FSTL5: variants seen among roughly 807,000 people sequenced by gnomAD.
FSTL5 encodes the protein follistatin-related protein 5.
A neutral mutation model predicts 89.1 loss-of-function variants in FSTL5; 62 were observed. The observed-to-expected ratio is 0.70, with a 90% CI of 0.57 to 0.86. The LOEUF is 0.86. Among genes scored for constraint, FSTL5 ranks in the 40% least tolerant of loss-of-function variants. The pLI, the probability that FSTL5 is intolerant of heterozygous loss-of-function variation, is 0.00. For synonymous variants in FSTL5, 383 were observed against 346.2 expected, an observed-to-expected ratio of 1.11 and a Z score of -1.18; for missense variants, 1,057 against 1,001.6, an observed-to-expected ratio of 1.06 and a Z score of -0.75.
At chr4:161,908,661 C>T (rs1733605459) in intron 4 of FSTL5, among the ~76,000 whole-genome samples, 1 of 152,012 alleles carries the variant, frequency 6.6e-6, no homozygotes, top group South Asian at 2.1e-4. Flanking sequence ...TGGATTAAAG[C>T]ATACACAAAA....
At chr4:161,631,803 T>G (rs1035872618) in intron 7 of FSTL5, among the ~76,000 whole-genome samples, 4 of 152,322 alleles carry the variant, frequency 2.6e-5, no homozygotes, top group African/African-American at 7.2e-5. Flanking sequence ...AATTACATTT[T>G]TATTATTCAT....
chr4:161,868,307 A>C (rs1263721325), intron 4 of FSTL5, among the ~76,000 whole-genome samples: 1 of 152,110 alleles, frequency 6.6e-6, no homozygotes, highest in Non-Finnish European at 1.5e-5. Flanking sequence ...TCTATTTATC[A>C]GTATTGTACT....
At chr4:161,541,436 A>C (rs188353570) in intron 9 of FSTL5, among the ~76,000 whole-genome samples, 1 of 152,070 alleles carries the variant, frequency 6.6e-6, no homozygotes, top group Non-Finnish European at 1.5e-5. Context: ...TTATTCATTT[A>C]ATTTCTGTTA....
At position 161,951,917 on chromosome 4, in the gene FSTL5, C is replaced by T. The variant is rs182064845; in HGVS notation, c.161-31265G>A. On this transcript the variant is annotated intron_variant, in intron 3 of 15. Coordinates refer to ENST00000306100, the MANE Select transcript of FSTL5 (RefSeq NM_020116.5). ...TTCTCAAGTATATAGATAAAAATAG[C>T]TTCACATTTTACGAGAAAGATTTAG... 7.9e-5 allele frequency among the ~76,000 whole-genome samples: 12 copies of T among 152,006 alleles called. No individual in the cohort carries two copies. The East Asian group carries it at 1.4e-3, about 17-fold the overall frequency.
intron 8 of FSTL5, among the ~76,000 whole-genome samples, chr4:161,583,167 C>T (rs1425620020): frequency 6.6e-6 from 1 of 152,152 alleles, no homozygotes; most frequent in Admixed American, 6.5e-5. Context: ...CGCCACTGCA[C>T]TCCAGCCTGG....
chr4:162,057,864 A>C (rs1738597571), intron 2 of FSTL5, among the ~76,000 whole-genome samples: 2 of 152,216 alleles, frequency 1.3e-5, no homozygotes, highest in East Asian at 3.9e-4. Flanking sequence ...GAACCACTTG[A>C]ATCTGGGAGA....
At chr4:161,701,616 AAAT>A (rs1738394750) in intron 6 of FSTL5, among the ~76,000 whole-genome samples, 3 of 152,122 alleles carry the variant, frequency 2.0e-5, no homozygotes. Context: ...CTAATTTATT[AAAT>A]AATATCTGTA....
In FSTL5 at chr4:161,659,969, T is replaced by C. The variant is rs569895249; in HGVS notation, c.728-3475A>G. On this transcript the variant is annotated intron_variant, in intron 6 of 15. Coordinates refer to ENST00000306100, the MANE Select transcript of FSTL5 (RefSeq NM_020116.5). The stretch of plus-strand genomic sequence containing the variant: ...TCTGCTCTAATGACCTCAACATGTA[T>C]CATGTGTCCAGAGTCACCTGGTGCC... Among the ~76,000 whole-genome samples the C allele has an allele frequency of 1.1e-4, 16 of 152,250 alleles. No individual in the cohort carries two copies. In the East Asian group the frequency reaches 3.1e-3, roughly 29 times the overall value.
chr4:161,420,606 A>G (rs906977304), intron 15 of FSTL5, among the ~76,000 whole-genome samples: 11 of 151,830 alleles, frequency 7.2e-5, no homozygotes, highest in Non-Finnish European at 1.3e-4. Context: ...AATACCTGAT[A>G]ATAAATCTCT....
intron 3 of FSTL5, among the ~76,000 whole-genome samples, chr4:162,022,371 C>T (rs570323951): frequency 6.6e-6 from 1 of 151,774 alleles, no homozygotes; most frequent in East Asian, 1.9e-4. Context: ...TGTATATTAA[C>T]ACTGTATATA....
rs189732994 is a variant in FSTL5, at chr4:161,417,084, T to C, written c.1842-30635A>G. On this transcript the variant is annotated intron_variant, in intron 15 of 15. Coordinates refer to ENST00000306100, the MANE Select transcript of FSTL5 (RefSeq NM_020116.5). ...AATTTGTCTATGGTAAAACTGGGTTTATGTCATTAGTTTATATGTTATTTA... is the reference window on the plus strand; with the variant it reads ...AATTTGTCTATGGTAAAACTGGGTTCATGTCATTAGTTTATATGTTATTTA... Among the ~76,000 whole-genome samples, 522 of 152,300 alleles carry C rather than the reference T, an allele frequency of 3.4e-3. 4 individuals are homozygous for C. The highest frequency in any genetic ancestry group is 0.012 in the African/African-American group (501 of 41,566).
intron 15 of FSTL5, among the ~76,000 whole-genome samples, chr4:161,412,599 T>C (rs1731631754): frequency 6.6e-6 from 1 of 152,118 alleles, no homozygotes; most frequent in Non-Finnish European, 1.5e-5. Flanking sequence ...TGCATATATA[T>C]GTAACAAACC....
At chr4:162,028,002 C>A (rs1238312981) in intron 3 of FSTL5, among the ~76,000 whole-genome samples, 1 of 152,030 alleles carries the variant, frequency 6.6e-6, no homozygotes, top group Non-Finnish European at 1.5e-5. Flanking sequence ...TTTTACAACA[C>A]TTAATTATTT....
chr4:161,386,153 T>A lies in FSTL5; in HGVS notation c.2138A>T (p.Lys713Ile), dbSNP rs1578933580. ...GHYLVSINDV[K>I]GLVRVQYITI... is the part of the protein sequence containing the mutation. ...AATGTACTGAACCCTTACAAGACCT[T>A]TCACATCATTAATGCTGACAAGGTA... The change falls in exon 16 of 16, where the codon AAA becomes ATA. Residue 713 changes from lysine (K) to isoleucine (I), a missense_variant. Physicochemically the swap from Lys to Ile is moderately radical, Grantham distance 102. This residue lies in a region of FSTL5 where 980 missense variants were observed against 903.2 expected (regional missense o/e 1.08). Coordinates refer to ENST00000306100, the MANE Select transcript of FSTL5 (RefSeq NM_020116.5). 4 of 1,614,040 alleles carry A rather than the reference T, an allele frequency of 2.5e-6. No homozygotes were observed. Among genetic ancestry groups the A allele is most frequent in the Non-Finnish European group, 3.4e-6 (4 of 1,179,976 alleles).
At chr4:161,834,706 C>T (rs1196764824) in intron 4 of FSTL5, among the ~76,000 whole-genome samples, 1 of 152,108 alleles carries the variant, frequency 6.6e-6, no homozygotes, top group Non-Finnish European at 1.5e-5. Context: ...TTCACAATTG[C>T]TTCAAAGGAA....
intron 1 of FSTL5, among the ~76,000 whole-genome samples, chr4:162,139,632 A>C (rs553575918): frequency 3.3e-5 from 5 of 152,098 alleles, no homozygotes; most frequent in Non-Finnish European, 7.4e-5. Context: ...TAGCTATATG[A>C]AAAAAATTAA....
chr4:161,540,732 T>C (rs72685741), intron 9 of FSTL5, among the ~76,000 whole-genome samples: 11,324 of 152,130 alleles, frequency 0.074, 538 homozygotes, highest in Middle Eastern at 0.16. Flanking sequence ...CCAAAAAAGA[T>C]TTTTGTATTT....
intron 13 of FSTL5, among the ~76,000 whole-genome samples, chr4:161,463,318 G>T (rs1386344473): frequency 6.6e-6 from 1 of 151,908 alleles, no homozygotes; most frequent in Non-Finnish European, 1.5e-5. Context: ...AACTGAAAAA[G>T]ATATGCAGAT....
chr4:161,399,495 G>A (rs1731109279), intron 15 of FSTL5, among the ~76,000 whole-genome samples: 1 of 152,082 alleles, frequency 6.6e-6, no homozygotes, highest in Non-Finnish European at 1.5e-5. Context: ...AAGATGAATA[G>A]TCTAAAACGG....
Sources: allele counts gnomAD v4.1 joint callset (sites outside exome capture counted in the v4.1 genomes callset), GRCh38; gene constraint gnomAD v4.1.1; regional missense constraint gnomAD v4.1.1; transcripts MANE v1.5; gene names NCBI Gene and HGNC (gene_info 2026-07-23, HGNC 2026-07-21).